TNFRSF11A: variants seen among roughly 807,000 people sequenced by gnomAD.
The protein encoded by TNFRSF11A is TNF receptor superfamily member 11a.
Under a neutral mutation model 55.7 loss-of-function variants are expected in TNFRSF11A, and 32 were observed. The ratio of observed to expected loss-of-function variants is 0.57; its 90% CI spans 0.43 to 0.77. TNFRSF11A has a LOEUF of 0.77. Among genes scored for constraint, TNFRSF11A ranks in the 30% least tolerant of loss-of-function variants. The probability of loss-of-function intolerance (pLI) is 0.00; values close to 1 mark genes in which losing one functional copy is unlikely to be tolerated. For missense variants in TNFRSF11A, 753 were observed against 809.8 expected, an observed-to-expected ratio of 0.93 and a Z score of 0.85; for synonymous variants, 311 against 331.0, an observed-to-expected ratio of 0.94 and a Z score of 0.65.
intron 7 of TNFRSF11A, among the ~76,000 whole-genome samples, chr18:62,364,163 G>A (rs1694828113): frequency 6.6e-6 from 1 of 152,244 alleles, no homozygotes; most frequent in Non-Finnish European, 1.5e-5. Flanking sequence ...GAGGAAATGG[G>A]TGAGTTAAGA....
chr18:62,333,509 G>A (rs1428181551), intron 1 of TNFRSF11A, among the ~76,000 whole-genome samples: 3 of 152,200 alleles, frequency 2.0e-5, no homozygotes, highest in Admixed American at 6.5e-5. Flanking sequence ...AACCCCTCCT[G>A]TGTGCCAGGC....
intron 9 of TNFRSF11A, 49 bp downstream of exon 9, chr18:62,369,533 G>C (rs750267848): frequency 2.3e-5 from 37 of 1,596,210 alleles, no homozygotes; most frequent in East Asian, 1.1e-4. Flanking sequence ...GCCAGTTCTT[G>C]GTACAGGGTT....
intron 9 of TNFRSF11A, among the ~76,000 whole-genome samples, chr18:62,372,177 A>G (rs1600411619): frequency 6.6e-6 from 1 of 152,184 alleles, no homozygotes; most frequent in East Asian, 1.9e-4. Context: ...AGAAGCAAGG[A>G]GAATGATTAG....
intron 3 of TNFRSF11A, among the ~76,000 whole-genome samples, chr18:62,352,634 T>A (rs1176991083): frequency 1.3e-5 from 2 of 152,236 alleles, no homozygotes; most frequent in Non-Finnish European, 2.9e-5. Flanking sequence ...CCACCCAGGC[T>A]TACATTCGGA....
At chr18:62,334,417 G>A (rs191708718) in intron 1 of TNFRSF11A, among the ~76,000 whole-genome samples, 32 of 152,206 alleles carry the variant, frequency 2.1e-4, no homozygotes, top group African/African-American at 7.7e-4. Flanking sequence ...CGCCTCAGAG[G>A]GTCGCATCTC....
intron 1 of TNFRSF11A, among the ~76,000 whole-genome samples, chr18:62,340,366 A>G (rs2046294824): frequency 6.6e-6 from 1 of 151,872 alleles, no homozygotes; most frequent in South Asian, 2.1e-4. Context: ...CCACAGGCAC[A>G]CGCTACCACA....
chr18:62,385,232 G>C lies in TNFRSF11A; in HGVS notation c.*198G>C. On this transcript the variant is annotated 3_prime_UTR_variant, in exon 10 of 10. Coordinates refer to ENST00000586569, the MANE Select transcript of TNFRSF11A (RefSeq NM_003839.4). ...TGATGAGGACTGTCCCCATGCCCAC[G>C]GATGCTCAGCAGCCCGCCGCACTGG... 1 of 557,900 alleles carries C rather than the reference G, an allele frequency of 1.8e-6. No homozygotes were observed. Among genetic ancestry groups the C allele is most frequent in the South Asian group, 3.9e-5 (1 of 25,490 alleles). 34.6% of individuals were successfully genotyped at this position (557,900 alleles called of 1,614,324 possible).
intron 1 of TNFRSF11A, among the ~76,000 whole-genome samples, chr18:62,329,446 T>G (rs1460685793): frequency 6.6e-6 from 1 of 152,228 alleles, no homozygotes; most frequent in Non-Finnish European, 1.5e-5. Flanking sequence ...AGGTGATTTT[T>G]CCTCTGAGTA....
chr18:62,349,484 C>A (rs1432017973), intron 2 of TNFRSF11A, among the ~76,000 whole-genome samples: 1 of 152,166 alleles, frequency 6.6e-6, no homozygotes, highest in Non-Finnish European at 1.5e-5. Context: ...CCTGGCCCAT[C>A]ATTCTATTCC....
chr18:62,377,170 C>A (rs1206933979), intron 9 of TNFRSF11A, among the ~76,000 whole-genome samples: 3 of 152,224 alleles, frequency 2.0e-5, no homozygotes. Context: ...CCGCCTCGGC[C>A]TCCCAAAGTG....
chr18:62,371,720 C>T (rs372277173), intron 9 of TNFRSF11A, among the ~76,000 whole-genome samples: 1 of 152,246 alleles, frequency 6.6e-6, no homozygotes, highest in African/African-American at 2.4e-5. Context: ...ACAATTACTT[C>T]TCCATGAACA....
At chr18:62,380,140 C>T (rs1911166307) in intron 9 of TNFRSF11A, among the ~76,000 whole-genome samples, 1 of 152,200 alleles carries the variant, frequency 6.6e-6, no homozygotes, top group South Asian at 2.1e-4. Context: ...CAGCGTGGAG[C>T]TCTTCAGAGC....
chr18:62,347,229 G>A (rs1012788708), intron 1 of TNFRSF11A, among the ~76,000 whole-genome samples: 2 of 152,182 alleles, frequency 1.3e-5, no homozygotes, highest in Admixed American at 6.5e-5. Flanking sequence ...CGCAAGTGTG[G>A]TGTGCATACG....
chr18:62,358,182 C>G, intron 4 of TNFRSF11A, 66 bp from the exon 5 acceptor site: 2 of 1,503,462 alleles, frequency 1.3e-6, no homozygotes, highest in South Asian at 2.3e-5. Context: ...CCTGGATGAT[C>G]TCTAAGTGAC....
At chr18:62,338,680 T>G (rs2046269113) in intron 1 of TNFRSF11A, among the ~76,000 whole-genome samples, 1 of 151,584 alleles carries the variant, frequency 6.6e-6, no homozygotes, top group South Asian at 2.1e-4. Context: ...GAATGGGGAG[T>G]TACTAGTTAA....
intron 9 of TNFRSF11A, among the ~76,000 whole-genome samples, chr18:62,377,892 C>G (rs1010112378): frequency 2.0e-5 from 3 of 152,138 alleles, no homozygotes; most frequent in Non-Finnish European, 4.4e-5. Context: ...TTGGGTAAGC[C>G]TCATCTGAAC....
intron 1 of TNFRSF11A, among the ~76,000 whole-genome samples, chr18:62,329,289 CT>C (rs1395970253): frequency 6.6e-6 from 1 of 152,230 alleles, no homozygotes; most frequent in East Asian, 1.9e-4. Flanking sequence ...CATCTGCCCC[CT>C]GGCCAGGTGG....
At chr18:62,379,069 C>T (rs1455742173) in intron 9 of TNFRSF11A, among the ~76,000 whole-genome samples, 2 of 152,162 alleles carry the variant, frequency 1.3e-5, no homozygotes, top group Non-Finnish European at 2.9e-5. Context: ...CAGTGTCAGT[C>T]GGTAAAGGGG....
intron 7 of TNFRSF11A, 136 bp downstream of exon 7, chr18:62,361,929 T>G: frequency 1.2e-6 from 1 of 835,466 alleles, no homozygotes; most frequent in South Asian, 1.5e-5. Flanking sequence ...CGTTTTATCA[T>G]TCTCTGGCAA....
Sources: allele counts gnomAD v4.1 joint callset (sites outside exome capture counted in the v4.1 genomes callset), GRCh38; gene constraint gnomAD v4.1.1; transcripts MANE v1.5; gene names NCBI Gene and HGNC (gene_info 2026-07-23, HGNC 2026-07-21).